RTN1: variants seen among roughly 807,000 people sequenced by gnomAD.
RTN1 encodes reticulon 1, also known as reticulon-1.
A neutral mutation model predicts 65.5 loss-of-function variants in RTN1; 25 were observed. The ratio of observed to expected loss-of-function variants is 0.38; its 90% confidence interval spans 0.28 to 0.53. The LOEUF is 0.53. Among genes scored for constraint, RTN1 ranks in the 20% least tolerant of loss-of-function variants. The probability of loss-of-function intolerance (pLI) is 0.79; values close to 1 mark genes in which losing one functional copy is unlikely to be tolerated. For missense variants in RTN1, 983 were observed against 1,025.4 expected (o/e 0.96, Z 0.57); for synonymous variants, 471 against 447.6 (o/e 1.05, Z -0.66).
chr14:59,744,797 A>G (rs1171457864), intron 2 of RTN1, among the ~76,000 whole-genome samples: 1 of 152,108 alleles, frequency 6.6e-6, no homozygotes, highest in Non-Finnish European at 1.5e-5. Flanking sequence ...CAGGAATGTT[A>G]AATGCCCCGG....
Position 59,599,308 on chromosome 14 carries a change from G to A in RTN1, c.2289-2521C>T, listed in dbSNP as rs1278674277. 3.3e-5 allele frequency among the ~76,000 whole-genome samples: 5 copies of A among 152,102 alleles called. No homozygotes were observed. In the South Asian group the frequency reaches 6.2e-4, roughly 19 times the overall value. ...TTATTGATTTCAATTCGGCATTCTC[G>A]CTTACTCAAGATCCCTTGATTCATT... On this transcript the variant is annotated intron_variant, in intron 8 of 8. Coordinates refer to ENST00000267484, the MANE Select transcript of RTN1 (RefSeq NM_021136.3).
chr14:59,870,733 G>A lies in RTN1; in HGVS notation c.-103C>T. ...TGTCCCCGGAGGGACTCGGCGCTCA[G>A]GGAAGCTGCGGTGTCTCAGCGTCGC... On this transcript the variant is annotated 5_prime_UTR_variant, in exon 1 of 9. Transcript: ENST00000267484. This position sits in a 1 kb window ranked among gnomAD's most constrained non-coding sequence, Gnocchi z 5.1. 8.2e-7 allele frequency: 1 copy of A among 1,215,014 alleles called. No individual in the cohort carries two copies. Among genetic ancestry groups the A allele is most frequent in the East Asian group, 3.4e-5 (1 of 29,690 alleles). The allele number at this position is 1,215,014 out of a possible 1,614,324, so 75.3% of individuals were successfully genotyped here.
intron 1 of RTN1, among the ~76,000 whole-genome samples, chr14:59,853,659 C>G (rs901490531): frequency 2.0e-5 from 3 of 152,024 alleles, no homozygotes; most frequent in Non-Finnish European, 1.5e-5. Flanking sequence ...TTGGGCATCT[C>G]GAGTTAACGA....
chr14:59,626,714 C>T (rs1312661701), intron 3 of RTN1, among the ~76,000 whole-genome samples: 1 of 152,032 alleles, frequency 6.6e-6, no homozygotes, highest in Non-Finnish European at 1.5e-5. Context: ...TTCTTAAATC[C>T]CTTAGTTACC....
At chr14:59,806,817 A>G (rs952094292) in intron 1 of RTN1, among the ~76,000 whole-genome samples, 5 of 152,240 alleles carry the variant, frequency 3.3e-5, no homozygotes, top group Non-Finnish European at 5.9e-5. Context: ...TTATAGCTGC[A>G]TAGTATTCCA....
intron 3 of RTN1, among the ~76,000 whole-genome samples, chr14:59,660,004 T>A (rs1566675733): frequency 6.6e-6 from 1 of 152,038 alleles, no homozygotes; most frequent in African/African-American, 2.4e-5. Flanking sequence ...TCATCTCACA[T>A]GCAAAGACAC....
chr14:59,762,174 GA>G, intron 1 of RTN1, among the ~76,000 whole-genome samples: 1 of 152,192 alleles, frequency 6.6e-6, no homozygotes, highest in East Asian at 1.9e-4. Context: ...TTCCATCGTA[GA>G]AAAATCACAG....
chr14:59,772,708 G>A (rs543385444), intron 1 of RTN1, among the ~76,000 whole-genome samples: 43 of 152,186 alleles, frequency 2.8e-4, no homozygotes, highest in African/African-American at 9.4e-4. Context: ...CAAGATGAAC[G>A]AGGCTCATAG....
At chr14:59,815,637 G>A (rs563078787) in intron 1 of RTN1, among the ~76,000 whole-genome samples, 23 of 152,184 alleles carry the variant, frequency 1.5e-4, no homozygotes, top group Non-Finnish European at 3.1e-4. Context: ...TCCATGGGGA[G>A]CCTATCTTCT....
rs763142843 is a variant in RTN1 at position 59,727,171 on chromosome 14, G to A, written c.1513C>T (p.Arg505Trp). Residue 505 changes from arginine (R) to tryptophan (W), a missense_variant, in exon 3 of 9, where the codon CGG becomes TGG. Arg to Trp is a moderately radical substitution (Grantham distance 101, BLOSUM62 -3). Around this residue, in one of 2 missense-constraint regions of RTN1, gnomAD observed 818 missense variants for 801.8 expected, o/e 1.02. Coordinates refer to ENST00000267484, the MANE Select transcript of RTN1 (RefSeq NM_021136.3). This position sits in a 1 kb window ranked among gnomAD's most constrained non-coding sequence, Gnocchi z 4.2. Reference sequence around the variant, plus strand: ...CGGCTTGGCGCACGCTCCTCGGCCCGGACGCCAGTCTCCTCCCGGATGGCA... The same window carrying A: ...CGGCTTGGCGCACGCTCCTCGGCCCAGACGCCAGTCTCCTCCCGGATGGCA... ...LDAIREETGVRAEERAPSRRG... is the reference protein window; with the variant it reads ...LDAIREETGVWAEERAPSRRG... 12 of 1,590,214 alleles carry A rather than the reference G, an allele frequency of 7.5e-6. No individual in the cohort carries two copies. The highest frequency in any genetic ancestry group is 3.5e-5 in the Admixed American group (2 of 56,598).
intron 1 of RTN1, among the ~76,000 whole-genome samples, chr14:59,820,312 TGTGAATAC>T (rs1886918355): frequency 6.6e-6 from 1 of 151,530 alleles, no homozygotes; most frequent in Non-Finnish European, 1.5e-5. Flanking sequence ...ACACATAGCT[TGTGAATAC>T]TTTCTCCCAT....
chr14:59,634,249 C>T (rs4898998), intron 3 of RTN1, among the ~76,000 whole-genome samples: 61,159 of 152,018 alleles, frequency 0.4, 12,890 homozygotes, highest in African/African-American at 0.5. Flanking sequence ...ACTGCGTTTT[C>T]ATGACAGAAT....
At chr14:59,716,140 T>G (rs1306130607) in intron 3 of RTN1, among the ~76,000 whole-genome samples, 1 of 152,230 alleles carries the variant, frequency 6.6e-6, no homozygotes. Flanking sequence ...TATACATTTT[T>G]GATATTAAAT....
rs138170485 is a variant in RTN1, at chr14:59,851,489, C to T, written c.241+18901G>A. Reference sequence around the variant, plus strand: ...CTTTCAAAACAGGGGATGTCTGGGGCTTATTTCTCTAGAAAGTATATTACT... The same window carrying T: ...CTTTCAAAACAGGGGATGTCTGGGGTTTATTTCTCTAGAAAGTATATTACT... On this transcript the variant is annotated intron_variant, in intron 1 of 8. Transcript: ENST00000267484. Among the ~76,000 whole-genome samples the T allele has an allele frequency of 3.7e-4, 57 of 152,278 alleles. No individual in the cohort carries two copies. The East Asian group carries it at 0.011, about 29-fold the overall frequency.
At chr14:59,725,808 C>T (rs1006059247) in intron 3 of RTN1, among the ~76,000 whole-genome samples, 2 of 152,130 alleles carry the variant, frequency 1.3e-5, no homozygotes, top group African/African-American at 4.8e-5. Flanking sequence ...AGATTTTGTC[C>T]TCTATTTTTA....
At chr14:59,822,923 G>A (rs12586367) in intron 1 of RTN1, among the ~76,000 whole-genome samples, 23,700 of 151,768 alleles carry the variant, frequency 0.16, 2,254 homozygotes, top group South Asian at 0.27. Context: ...ACGGCCAAGG[G>A]TGTGGTCCAT....
chr14:59,818,509 A>G (rs1886862093), intron 1 of RTN1, among the ~76,000 whole-genome samples: 1 of 152,262 alleles, frequency 6.6e-6, no homozygotes, highest in African/African-American at 2.4e-5. Flanking sequence ...TTTCAATATT[A>G]ATTCAAAATA....
intron 3 of RTN1, among the ~76,000 whole-genome samples, chr14:59,651,648 G>A (rs545611386): frequency 6.6e-6 from 1 of 152,198 alleles, no homozygotes; most frequent in South Asian, 2.1e-4. Flanking sequence ...CGAGGCAGGA[G>A]AATTGCTTGA....
rs756475040 is a variant in RTN1 at position 59,726,878 on chromosome 14, G to A, written c.1765+41C>T. ...CTGCTGAATGCTCAGAGCACCCAGA[G>A]GGAGGACACTAACCAAGCATCCCTG... is the stretch of plus-strand genomic sequence containing the variant. On this transcript the variant is annotated intron_variant, in intron 3 of 8. Coordinates refer to ENST00000267484, the MANE Select transcript of RTN1 (RefSeq NM_021136.3). 1.1e-5 allele frequency: 17 copies of A among 1,553,890 alleles called. No individual in the cohort carries two copies. The South Asian group carries it at 1.7e-4, about 15-fold the overall frequency.
Sources: gnomAD v4.1 joint callset for allele counts (sites outside exome capture counted in the v4.1 genomes callset) on GRCh38, gnomAD v4.1.1 for gene constraint, gnomAD v4.1.1 regional missense constraint, Gnocchi (gnomAD v3.1) non-coding constraint, MANE v1.5 for transcripts, NCBI Gene and HGNC (gene_info 2026-07-23, HGNC 2026-07-21) for gene names.